Variants in ZNF438 observed in about 807,000 individuals in gnomAD.
ZNF438 encodes the protein zinc finger protein 438.
ZNF438 carries 25 observed loss-of-function variants against 38.0 expected under a neutral mutation model. That is an observed-to-expected ratio of 0.66 (90% CI 0.48 to 0.92). The LOEUF is 0.92. Among genes scored for constraint, ZNF438 ranks in the 40% least tolerant of loss-of-function variants. ZNF438 has a pLI of 0.00. For synonymous variants in ZNF438, 372 were observed against 364.1 expected (o/e 1.02, Z -0.25); for missense variants, 1,007 against 999.6 (o/e 1.01, Z -0.10).
At chr10:31,021,340 G>A (rs2056577395) in intron 1 of ZNF438, among the ~76,000 whole-genome samples, 1 of 152,062 alleles carries the variant, frequency 6.6e-6, no homozygotes, top group Admixed American at 6.5e-5. Flanking sequence ...TACTGTGAAA[G>A]ATCAATTTAG....
intron 1 of ZNF438, among the ~76,000 whole-genome samples, chr10:31,002,676 T>C (rs2054772834): frequency 6.6e-6 from 1 of 152,200 alleles, no homozygotes; most frequent in South Asian, 2.1e-4. Context: ...TTTGCTAAGA[T>C]GGCTAGGGAA....
intron 2 of ZNF438, among the ~76,000 whole-genome samples, chr10:30,935,115 T>C (rs948129468): frequency 6.6e-6 from 1 of 152,270 alleles, no homozygotes; most frequent in Non-Finnish European, 1.5e-5. Context: ...CCCTAGCTTA[T>C]TATTCTCACC....
chr10:30,924,408 C>T (rs2044675914), intron 2 of ZNF438, among the ~76,000 whole-genome samples: 1 of 152,144 alleles, frequency 6.6e-6, no homozygotes, highest in African/African-American at 2.4e-5. Context: ...GGCAAGGAGG[C>T]AATCATGATG....
At position 30,925,141 on chromosome 10, in the gene ZNF438, G is replaced by A. The variant is rs905090297; in HGVS notation, c.-114-16126C>T. On this transcript the variant is annotated intron_variant, in intron 2 of 5. Coordinates refer to ENST00000413025, the Ensembl canonical transcript of ZNF438. ...TAAGTCATTTGCCAATAATGACAGTGTTTTTCTCCTTTTCCATTCCTACAT... is the reference window on the plus strand; with the variant it reads ...TAAGTCATTTGCCAATAATGACAGTATTTTTCTCCTTTTCCATTCCTACAT... Among the ~76,000 whole-genome samples the A allele has an allele frequency of 5.9e-5, 9 of 152,240 alleles. No homozygotes were observed. The East Asian group carries it at 1.5e-3, about 26-fold the overall frequency.
intron 1 of ZNF438, among the ~76,000 whole-genome samples, chr10:30,949,835 C>A (rs911585624): frequency 6.6e-6 from 1 of 151,940 alleles, no homozygotes; most frequent in Non-Finnish European, 1.5e-5. Context: ...TTAGACAGAT[C>A]AACGAGACAG....
At chr10:30,981,693 T>C (rs1263227388) in intron 1 of ZNF438, among the ~76,000 whole-genome samples, 1 of 152,056 alleles carries the variant, frequency 6.6e-6, no homozygotes, top group African/African-American at 2.4e-5. Context: ...CTGACCAACA[T>C]GGTGAAACCA....
At chr10:31,017,093 C>T (rs976488789) in intron 1 of ZNF438, among the ~76,000 whole-genome samples, 9 of 152,168 alleles carry the variant, frequency 5.9e-5, no homozygotes, top group African/African-American at 1.9e-4. Flanking sequence ...CTGTGGAATA[C>T]AAATGAGATT....
chr10:31,011,227 G>T (rs1316861013), intron 1 of ZNF438, among the ~76,000 whole-genome samples: 1 of 152,142 alleles, frequency 6.6e-6, no homozygotes, highest in Non-Finnish European at 1.5e-5. Flanking sequence ...TTCAACGTGG[G>T]GCTTTTCCAC....
intron 4 of ZNF438, among the ~76,000 whole-genome samples, chr10:30,867,420 T>A (rs1209240920): frequency 1.3e-5 from 2 of 152,210 alleles, no homozygotes; most frequent in Non-Finnish European, 2.9e-5. Context: ...ACTAGGTTAT[T>A]TTTGTTAAGA....
intron 1 of ZNF438, among the ~76,000 whole-genome samples, chr10:30,967,840 G>A (rs890345715): frequency 1.1e-4 from 16 of 152,124 alleles, no homozygotes; most frequent in Non-Finnish European, 4.4e-5. Context: ...CATCAAGAAA[G>A]GAATTACAAC....
At chr10:30,989,176 T>C (rs1349124197) in intron 1 of ZNF438, among the ~76,000 whole-genome samples, 1 of 152,204 alleles carries the variant, frequency 6.6e-6, no homozygotes, top group Non-Finnish European at 1.5e-5. Flanking sequence ...CATGTTTGAT[T>C]TGCCAACTCC....
chr10:31,004,159 T>C (rs557018945), intron 1 of ZNF438, among the ~76,000 whole-genome samples: 1 of 152,276 alleles, frequency 6.6e-6, no homozygotes, highest in South Asian at 2.1e-4. Flanking sequence ...AGTTAGAGCA[T>C]AGAGGCCAGA....
At chr10:30,905,245 T>C (rs192187180) in intron 3 of ZNF438, among the ~76,000 whole-genome samples, 1 of 152,336 alleles carries the variant, frequency 6.6e-6, no homozygotes, top group Non-Finnish European at 1.5e-5. Context: ...CAGTAATGTA[T>C]AGGGTTTCCA....
chr10:30,917,988 G>T (rs1283847375), intron 2 of ZNF438, among the ~76,000 whole-genome samples: 2 of 152,078 alleles, frequency 1.3e-5, no homozygotes, highest in Non-Finnish European at 2.9e-5. Flanking sequence ...CATGATGCAA[G>T]ACAGAAATTG....
At chr10:31,023,515 A>G (rs925459879) in intron 1 of ZNF438, among the ~76,000 whole-genome samples, 3 of 152,226 alleles carry the variant, frequency 2.0e-5, no homozygotes, top group African/African-American at 7.2e-5. Flanking sequence ...ATATTTGTAC[A>G]TCCATTTTTC....
intron 3 of ZNF438, among the ~76,000 whole-genome samples, chr10:30,886,015 A>G (rs946832555): frequency 2.0e-5 from 3 of 152,212 alleles, no homozygotes; most frequent in African/African-American, 7.2e-5. Context: ...GCAAATTTCA[A>G]CTGGATATAA....
chr10:30,855,162 G>T (rs1388494460), intron 4 of ZNF438, among the ~76,000 whole-genome samples: 1 of 152,146 alleles, frequency 6.6e-6, no homozygotes, highest in East Asian at 1.9e-4. Flanking sequence ...GAAGAGCAAG[G>T]GCATTCAAAG....
At chr10:31,024,914 T>C (rs2056842911) in intron 1 of ZNF438, among the ~76,000 whole-genome samples, 1 of 152,192 alleles carries the variant, frequency 6.6e-6, no homozygotes, top group Admixed American at 6.5e-5. Context: ...TCCAGGATTA[T>C]ATAAAGTCCA....
intron 1 of ZNF438, among the ~76,000 whole-genome samples, chr10:30,974,502 C>T (rs986706114): frequency 1.3e-5 from 2 of 152,120 alleles, no homozygotes; most frequent in African/African-American, 4.8e-5. Flanking sequence ...GCAACAACAA[C>T]AACAAACATT....
Sources: allele counts gnomAD v4.1 joint callset (sites outside exome capture counted in the v4.1 genomes callset), GRCh38; gene constraint gnomAD v4.1.1; transcripts MANE v1.5; gene names NCBI Gene and HGNC (gene_info 2026-07-23, HGNC 2026-07-21).